The following MAGI1 variants were observed in gnomAD, a reference collection of about 807,000 sequenced individuals.
MAGI1 encodes membrane-associated guanylate kinase, WW and PDZ domain-containing protein 1.
Under a neutral mutation model 139.9 loss-of-function variants are expected in MAGI1, and 58 were observed. The ratio of observed to expected loss-of-function variants is 0.41; its 90% confidence interval spans 0.34 to 0.52. MAGI1 has a LOEUF of 0.52. MAGI1 is among the 20% of genes least tolerant of loss of function. The pLI is 0.12. For synonymous variants in MAGI1, 812 were observed against 737.9 expected, an observed-to-expected ratio of 1.10 and a Z score of -1.63; for missense variants, 1,874 against 1,901.6, an observed-to-expected ratio of 0.99 and a Z score of 0.27.
chr3:65,527,673 C>T (rs553195588), intron 2 of MAGI1, among the ~76,000 whole-genome samples: 6 of 152,040 alleles, frequency 3.9e-5, no homozygotes, highest in African/African-American at 1.4e-4. Context: ...TGCAGTGAGC[C>T]GAGATTGGGC....
chr3:66,022,875 G>A (rs539958379), intron 1 of MAGI1, among the ~76,000 whole-genome samples: 2 of 152,326 alleles, frequency 1.3e-5, no homozygotes, highest in East Asian at 3.9e-4. Context: ...CACTGTGGAG[G>A]AACTTAACTG....
chr3:65,608,015 C>G (rs2082840182), intron 2 of MAGI1, among the ~76,000 whole-genome samples: 1 of 152,248 alleles, frequency 6.6e-6, no homozygotes, highest in African/African-American at 2.4e-5. Flanking sequence ...AAGCAGGTAT[C>G]ATTAGCCCCA....
At chr3:65,471,174 A>G (rs1237170260) in intron 4 of MAGI1, among the ~76,000 whole-genome samples, 2 of 152,298 alleles carry the variant, frequency 1.3e-5, no homozygotes, top group East Asian at 3.9e-4. Context: ...CTTGAGTCTT[A>G]AAAGAAGGCT....
At chr3:65,594,081 C>A (rs554480688) in intron 2 of MAGI1, among the ~76,000 whole-genome samples, 4 of 152,078 alleles carry the variant, frequency 2.6e-5, no homozygotes, top group Admixed American at 6.6e-5. Context: ...AATCTGGCCA[C>A]CTATCAAAAC....
chr3:65,782,919 A>G (rs60909058), intron 1 of MAGI1, among the ~76,000 whole-genome samples: 3,307 of 151,854 alleles, frequency 0.022, 106 homozygotes, highest in African/African-American at 0.071. Flanking sequence ...AAAAAAAAAA[A>G]AGAGAAAAAT....
intron 1 of MAGI1, among the ~76,000 whole-genome samples, chr3:65,997,826 G>C (rs919437712): frequency 6.6e-6 from 1 of 152,070 alleles, no homozygotes; most frequent in African/African-American, 2.4e-5. Flanking sequence ...ATGAGAGCAA[G>C]GACTGTTCGC....
chr3:65,563,271 A>G (rs1406165384), intron 2 of MAGI1, among the ~76,000 whole-genome samples: 1 of 152,144 alleles, frequency 6.6e-6, no homozygotes, highest in African/African-American at 2.4e-5. Flanking sequence ...GTTTGAAAAC[A>G]AACAACAGAC....
intron 18 of MAGI1, among the ~76,000 whole-genome samples, chr3:65,371,444 G>A (rs922422324): frequency 1.3e-5 from 2 of 152,176 alleles, no homozygotes; most frequent in Admixed American, 1.3e-4. Context: ...ATGATCACCT[G>A]AGCCTTCAGT....
At chr3:65,743,726 T>TAA (rs2035465546) in intron 1 of MAGI1, among the ~76,000 whole-genome samples, 1 of 151,686 alleles carries the variant, frequency 6.6e-6, no homozygotes, top group Non-Finnish European at 1.5e-5. Context: ...AAAAAAAGTC[T>TAA]AAAAGAAAAG....
At chr3:65,859,352 A>T (rs1042951253) in intron 1 of MAGI1, among the ~76,000 whole-genome samples, 6 of 152,028 alleles carry the variant, frequency 3.9e-5, no homozygotes, top group African/African-American at 1.2e-4. Flanking sequence ...CACCTGCATT[A>T]GACCCCTACA....
At chr3:65,627,909 A>T (rs1198644120) in intron 1 of MAGI1, among the ~76,000 whole-genome samples, 84 of 152,294 alleles carry the variant, frequency 5.5e-4, no homozygotes, top group Non-Finnish European at 9.0e-4. Context: ...AATGTTAAGC[A>T]TGTTTGATGG....
intron 2 of MAGI1, among the ~76,000 whole-genome samples, chr3:65,523,091 T>TC (rs1287897243): frequency 2.0e-5 from 3 of 152,220 alleles, no homozygotes; most frequent in African/African-American, 7.2e-5. Context: ...AATGTATATT[T>TC]CCTGGGTGCT....
chr3:65,789,200 A>G (rs2039591597), intron 1 of MAGI1, among the ~76,000 whole-genome samples: 1 of 152,100 alleles, frequency 6.6e-6, no homozygotes, highest in African/African-American at 2.4e-5. Context: ...CAAACAAATG[A>G]TAATAAATAA....
intron 2 of MAGI1, among the ~76,000 whole-genome samples, chr3:65,509,493 G>A (rs1305669608): frequency 6.6e-6 from 1 of 152,214 alleles, no homozygotes; most frequent in East Asian, 1.9e-4. Flanking sequence ...CCTCACTTGG[G>A]AAGCGCAAGG....
At chr3:65,990,508 A>C (rs1042460512) in intron 1 of MAGI1, among the ~76,000 whole-genome samples, 1 of 152,308 alleles carries the variant, frequency 6.6e-6, no homozygotes, top group African/African-American at 2.4e-5. Flanking sequence ...TCTCAAGCAC[A>C]TGCTTCAAGA....
chr3:66,021,980 T>A (rs546167374), intron 1 of MAGI1, among the ~76,000 whole-genome samples: 3 of 152,294 alleles, frequency 2.0e-5, no homozygotes, highest in African/African-American at 4.8e-5. Flanking sequence ...TGAATATAAG[T>A]GCCTGGTAAC....
At chr3:65,918,611 C>A (rs768294619) in intron 1 of MAGI1, among the ~76,000 whole-genome samples, 10 of 151,976 alleles carry the variant, frequency 6.6e-5, no homozygotes, top group Non-Finnish European at 8.8e-5. Flanking sequence ...AATCTCGTGA[C>A]CTCATGATCC....
intron 1 of MAGI1, among the ~76,000 whole-genome samples, chr3:65,629,374 T>C (rs1044499885): frequency 4.6e-5 from 7 of 152,204 alleles, no homozygotes; most frequent in African/African-American, 1.7e-4. Flanking sequence ...ACAATTAGAA[T>C]TGACACTTTA....
intron 2 of MAGI1, among the ~76,000 whole-genome samples, chr3:65,593,040 T>C: frequency 6.6e-6 from 1 of 152,100 alleles, no homozygotes; most frequent in East Asian, 1.9e-4. Context: ...TTATTCTCAA[T>C]ATAAGGTCAC....
Sources: allele counts gnomAD v4.1 joint callset (sites outside exome capture counted in the v4.1 genomes callset), GRCh38; gene constraint gnomAD v4.1.1; transcripts MANE v1.5; gene names NCBI Gene and HGNC (gene_info 2026-07-23, HGNC 2026-07-21).